Variants in ANKRD36C observed in about 807,000 individuals in gnomAD.
ANKRD36C encodes ankyrin repeat domain-containing protein 36C.
A neutral mutation model predicts 276.4 loss-of-function variants in ANKRD36C; 61 were observed. The ratio of observed to expected loss-of-function variants is 0.22; its 90% CI spans 0.18 to 0.27. ANKRD36C has a LOEUF of 0.27. Ranked by LOEUF, ANKRD36C falls within the 10% of genes least tolerant of loss-of-function variation. The probability of loss-of-function intolerance (pLI) is 1.00; values close to 1 mark genes in which losing one functional copy is unlikely to be tolerated. For missense variants in ANKRD36C, 1,447 were observed against 2,032.3 expected (o/e 0.71, Z 5.54); for synonymous variants, 483 against 680.1 (o/e 0.71, Z 4.51).
chr2:95,892,333 A>T (rs1285301169), intron 44 of ANKRD36C, among the ~76,000 whole-genome samples: 1 of 151,470 alleles, frequency 6.6e-6, no homozygotes, highest in African/African-American at 2.4e-5. Flanking sequence ...TACGATAACA[A>T]TTCAATTGAA....
chr2:95,978,491 C>T (rs1333718389), intron 5 of ANKRD36C, among the ~76,000 whole-genome samples: 1 of 152,076 alleles, frequency 6.6e-6, no homozygotes, highest in African/African-American at 2.4e-5. Flanking sequence ...CAGGTATTTG[C>T]TCTTAAACAA....
chr2:95,967,933 C>CA (rs988104339), intron 6 of ANKRD36C, among the ~76,000 whole-genome samples: 2 of 151,084 alleles, frequency 1.3e-5, no homozygotes, highest in South Asian at 2.1e-4. Flanking sequence ...AACAAAAATA[C>CA]AAAAAAAAAT....
intron 36 of ANKRD36C, 73 bp downstream of exon 38, chr2:95,917,782 T>G (rs1214091871): frequency 2.3e-5 from 35 of 1,524,656 alleles, no homozygotes; most frequent in Non-Finnish European, 3.0e-5. Context: ...CGCCCTCCGC[T>G]GATTTATTCA....
chr2:95,861,970 A>C (rs1675596367), intron 60 of ANKRD36C, among the ~76,000 whole-genome samples: 1 of 152,110 alleles, frequency 6.6e-6, no homozygotes, highest in African/African-American at 2.4e-5. Context: ...CATAGCAAAA[A>C]AAAAAACATT....
At chr2:95,977,423 T>C (rs1678834908) in intron 6 of ANKRD36C, among the ~76,000 whole-genome samples, 1 of 152,164 alleles carries the variant, frequency 6.6e-6, no homozygotes, top group African/African-American at 2.4e-5. Context: ...TTTTTATAAA[T>C]AAAAAATTAA....
chr2:95,891,106 A>G (rs955958377), intron 46 of ANKRD36C, among the ~76,000 whole-genome samples: 2 of 151,400 alleles, frequency 1.3e-5, no homozygotes, highest in Non-Finnish European at 3.0e-5. Context: ...TGTTATGAAA[A>G]TATTCCAAAT....
At chr2:95,924,016 A>G (rs1677343955) in intron 30 of ANKRD36C, among the ~76,000 whole-genome samples, 1 of 151,712 alleles carries the variant, frequency 6.6e-6, no homozygotes, top group South Asian at 2.1e-4. Flanking sequence ...ACACCTGAGA[A>G]TCAATGTCAA....
chr2:95,973,605 T>C (rs895204569), intron 6 of ANKRD36C, among the ~76,000 whole-genome samples: 32 of 152,342 alleles, frequency 2.1e-4, no homozygotes, highest in Admixed American at 1.6e-3. Context: ...CTAAAAATCA[T>C]CTGTTAAGGG....
At chr2:95,855,345 T>G (rs1675384598) in exon 63 of ANKRD36C, 1 of 1,612,282 alleles carries the variant, frequency 6.2e-7, no homozygotes, top group East Asian at 2.2e-5. Context: ...CATTTTATTG[T>G]CTTCTTCTAG....
At position 95,852,196 on chromosome 2, in the gene ANKRD36C, A is replaced by G. The variant is rs1463075671; in HGVS notation, c.5149T>C (p.Phe1717Leu). The G allele has an allele frequency of 1.9e-6, 3 of 1,605,802 alleles. No homozygotes were observed. The African/African-American group carries it at 4.0e-5, about 22-fold the overall frequency. ...GTAAGTTGATCCTGTATTTCTTGAA[A>G]CTAAAACAAAGAATTTTAAAAAATT... The change falls in exon 65 of 67, where the codon TTT (phenylalanine) becomes CTT (leucine). Residue 1717 changes from phenylalanine (F) to leucine (L), a missense_variant and splice_region_variant. Transcript: ENST00000456556.
intron 3 of ANKRD36C, 140 bp from the exon 4 acceptor site, chr2:95,982,502 G>A (rs1480557443): frequency 7.5e-5 from 53 of 703,250 alleles, no homozygotes; most frequent in Non-Finnish European, 8.6e-5. Flanking sequence ...TTCCCTCCTC[G>A]GTGCTTTTCT....
intron 52 of ANKRD36C, among the ~76,000 whole-genome samples, chr2:95,885,517 A>G (rs1445735026): frequency 6.6e-6 from 1 of 151,426 alleles, no homozygotes; most frequent in Non-Finnish European, 1.5e-5. Flanking sequence ...GAGTTCACTC[A>G]GCTTTCCTCA....
downstream of ANKRD36C, among the ~76,000 whole-genome samples, chr2:95,850,814 C>T (rs1185013083): frequency 1.3e-5 from 2 of 152,196 alleles, no homozygotes; most frequent in Non-Finnish European, 2.9e-5. Flanking sequence ...CCTTAAATCA[C>T]TACCTTAACC....
rs749526830 is a variant in ANKRD36C, at chr2:95,852,207, G to T, written c.5149-11C>A. The T allele has an allele frequency of 2.7e-5, 43 of 1,597,686 alleles. No homozygotes were observed. The Admixed American group carries it at 3.4e-4, about 13-fold the overall frequency. On this transcript the variant is annotated splice_polypyrimidine_tract_variant and intron_variant, in intron 64 of 66. Transcript: ENST00000456556. ...CTGTATTTCTTGAAACTAAAACAAAGAATTTTAAAAAATTACATTTGGAAA... is the reference window on the plus strand; with the variant it reads ...CTGTATTTCTTGAAACTAAAACAAATAATTTTAAAAAATTACATTTGGAAA...
intron 60 of ANKRD36C, among the ~76,000 whole-genome samples, chr2:95,860,424 A>G (rs1675545909): frequency 1.3e-5 from 2 of 152,188 alleles, no homozygotes; most frequent in Admixed American, 1.3e-4. Context: ...CTGAGAAATG[A>G]AGGATGAAAA....
chr2:95,985,321 A>C (rs1388871041), intron 3 of ANKRD36C, among the ~76,000 whole-genome samples: 1 of 152,264 alleles, frequency 6.6e-6, no homozygotes, highest in East Asian at 1.9e-4. Flanking sequence ...TAAAGGAAGC[A>C]GCACCTATCT....
At chr2:95,860,318 C>T (rs1573722872) in intron 60 of ANKRD36C, among the ~76,000 whole-genome samples, 1 of 149,736 alleles carries the variant, frequency 6.7e-6, no homozygotes, top group Non-Finnish European at 1.5e-5. Context: ...CAGATAGGTC[C>T]TGTAAAAAAA....
chr2:95,913,666 A>G lies in ANKRD36C; in HGVS notation c.2551+442T>C, dbSNP rs187162706. Among the ~76,000 whole-genome samples, 7 of 151,544 alleles carry G rather than the reference A, an allele frequency of 4.6e-5. No individual in the cohort carries two copies. The East Asian group carries it at 1.4e-3, about 30-fold the overall frequency. ...TCCTGCCTCACAATCCGTCTTCCTT[A>G]GGAAAATAGTTGCTACACCAGGGGT... On this transcript the variant is annotated intron_variant, in intron 40 of 66. Transcript: ENST00000456556.
chr2:95,979,256 C>T (rs957611673), intron 5 of ANKRD36C, among the ~76,000 whole-genome samples: 5 of 151,940 alleles, frequency 3.3e-5, no homozygotes, highest in Admixed American at 3.3e-4. Flanking sequence ...AGCTAGCCAG[C>T]AAACAGTCAA....
Sources: gnomAD v4.1 joint callset for allele counts (sites outside exome capture counted in the v4.1 genomes callset) on GRCh38, gnomAD v4.1.1 for gene constraint, MANE v1.5 for transcripts, NCBI Gene and HGNC (gene_info 2026-07-23, HGNC 2026-07-21) for gene names.